Variants in PID1 observed in about 807,000 individuals in gnomAD.
PID1 encodes phosphotyrosine interaction domain containing 1.
A neutral mutation model predicts 19.1 loss-of-function variants in PID1; 10 were observed. The observed-to-expected ratio is 0.52, with a 90% CI of 0.32 to 0.89. The LOEUF is 0.89. Ranked by LOEUF, PID1 falls within the 40% of genes least tolerant of loss-of-function variation. The pLI is 0.03. For missense variants in PID1, 248 were observed against 285.3 expected, an observed-to-expected ratio of 0.87 and a Z score of 0.94; for synonymous variants, 130 against 116.0, an observed-to-expected ratio of 1.12 and a Z score of -0.78.
At chr2:229,139,017 A>G (rs1476038864) in intron 2 of PID1, among the ~76,000 whole-genome samples, 15 of 92,714 alleles carry the variant, frequency 1.6e-4, no homozygotes, top group African/African-American at 6.1e-4. Context: ...GAAAGAAAGA[A>G]AGAAAGAAAG....
chr2:229,188,932 T>C (rs1233922344), intron 1 of PID1, among the ~76,000 whole-genome samples: 2 of 152,166 alleles, frequency 1.3e-5, no homozygotes, highest in East Asian at 3.9e-4. Flanking sequence ...TTTTCTTCTG[T>C]ATTAAATTTT....
At chr2:229,059,087 G>C (rs1269055728) in intron 2 of PID1, among the ~76,000 whole-genome samples, 1 of 152,166 alleles carries the variant, frequency 6.6e-6, no homozygotes. Flanking sequence ...CTAACTTAGA[G>C]ACAGAGTTAT....
At chr2:229,109,638 A>T (rs1194831063) in intron 2 of PID1, among the ~76,000 whole-genome samples, 1 of 152,232 alleles carries the variant, frequency 6.6e-6, no homozygotes, top group Non-Finnish European at 1.5e-5. Context: ...AATGCTCATA[A>T]ACAGGAAACT....
chr2:229,050,429 A>G (rs149135694), intron 2 of PID1, among the ~76,000 whole-genome samples: 1 of 152,336 alleles, frequency 6.6e-6, no homozygotes, highest in East Asian at 1.9e-4. Flanking sequence ...GTGGTGAAAC[A>G]GACGCTACAC....
intron 1 of PID1, among the ~76,000 whole-genome samples, chr2:229,192,807 CTTA>C (rs753561229): frequency 1.3e-4 from 19 of 151,980 alleles, no homozygotes; most frequent in Non-Finnish European, 2.2e-4. Context: ...GAGGTTTATT[CTTA>C]TTATTATTAC....
At chr2:229,057,189 G>A (rs1356879133) in intron 2 of PID1, among the ~76,000 whole-genome samples, 2 of 152,070 alleles carry the variant, frequency 1.3e-5, no homozygotes, top group Non-Finnish European at 2.9e-5. Context: ...TGTAATCCCA[G>A]CACTTTGGGA....
At chr2:229,254,433 A>G (rs1044620747) in intron 1 of PID1, among the ~76,000 whole-genome samples, 7 of 152,240 alleles carry the variant, frequency 4.6e-5, no homozygotes, top group Non-Finnish European at 1.0e-4. Context: ...ACAATGTCCC[A>G]TATAAAGAAC....
At chr2:229,258,839 G>A (rs1574764753) in intron 1 of PID1, among the ~76,000 whole-genome samples, 1 of 147,906 alleles carries the variant, frequency 6.8e-6, no homozygotes, top group East Asian at 2.0e-4. Flanking sequence ...TCCAGCCTGG[G>A]CGACAAAGCG....
intron 1 of PID1, among the ~76,000 whole-genome samples, chr2:229,197,927 AC>A (rs1691411623): frequency 6.6e-6 from 1 of 152,074 alleles, no homozygotes; most frequent in South Asian, 2.1e-4. Context: ...GAAAAACTCA[AC>A]CAATTTAACA....
Position 229,024,429 on chromosome 2 carries a change from A to C in PID1, c.*1203T>G, listed in dbSNP as rs575545807. The C allele has an allele frequency of 6.5e-5, 10 of 152,788 alleles. No individual in the cohort carries two copies. The highest frequency in any genetic ancestry group is 2.4e-4 in the African/African-American group (10 of 41,582). 9.5% of individuals were successfully genotyped at this position (152,788 alleles called of 1,614,324 possible). The stretch of plus-strand genomic sequence containing the variant: ...ATAATATTTAAAGAACCATGAAATT[A>C]AGAAATCTCAGGATTGTTTTAGTGA... On this transcript the variant is annotated 3_prime_UTR_variant, in exon 3 of 3. Coordinates refer to ENST00000392055, the MANE Select transcript of PID1 (RefSeq NM_001100818.2).
At chr2:229,239,926 A>T (rs1440423004) in intron 1 of PID1, among the ~76,000 whole-genome samples, 1 of 152,114 alleles carries the variant, frequency 6.6e-6, no homozygotes, top group Admixed American at 6.5e-5. Flanking sequence ...TATTCCTGGC[A>T]CTATTATACT....
At chr2:229,245,944 T>C (rs577924669) in intron 1 of PID1, among the ~76,000 whole-genome samples, 2 of 152,302 alleles carry the variant, frequency 1.3e-5, no homozygotes, top group East Asian at 3.9e-4. Flanking sequence ...TGTAGTTTCG[T>C]TGGTTGTTGG....
At chr2:229,102,522 A>G (rs1392044570) in intron 2 of PID1, among the ~76,000 whole-genome samples, 1 of 152,184 alleles carries the variant, frequency 6.6e-6, no homozygotes, top group Non-Finnish European at 1.5e-5. Context: ...TCTCCAAACT[A>G]GCTCAGAGCT....
chr2:229,175,024 C>T (rs1690790198), intron 1 of PID1, among the ~76,000 whole-genome samples: 1 of 152,182 alleles, frequency 6.6e-6, no homozygotes, highest in Admixed American at 6.5e-5. Context: ...GGAGAGAAAA[C>T]AGGGCAGCCC....
rs186706313 is a variant in PID1, at chr2:229,064,012, A to C, written c.178-37904T>G. On this transcript the variant is annotated intron_variant, in intron 2 of 2. Coordinates refer to ENST00000392055, the MANE Select transcript of PID1 (RefSeq NM_001100818.2). ...AATCATCCTAGGGGAAAATATTCAAAGCTAAAGTCTAAAGAACTGAAAAGG... is the reference window on the plus strand; with the variant it reads ...AATCATCCTAGGGGAAAATATTCAACGCTAAAGTCTAAAGAACTGAAAAGG... Among the ~76,000 whole-genome samples the C allele has an allele frequency of 2.6e-5, 4 of 152,276 alleles. No individual in the cohort carries two copies. The East Asian group carries it at 7.7e-4, about 29-fold the overall frequency.
In PID1 at chr2:229,153,485, G is replaced by A. The variant is rs1044102170; in HGVS notation, c.177+2333C>T. ...CTTGAATGCAGAAGTTCTTCCTGGT[G>A]TCCAAATGAAATCATTGTCGATTTC... On this transcript the variant is annotated intron_variant, in intron 2 of 2. Coordinates refer to ENST00000392055, the MANE Select transcript of PID1 (RefSeq NM_001100818.2). Among the ~76,000 whole-genome samples the A allele has an allele frequency of 2.6e-5, 4 of 152,146 alleles. No homozygotes were observed. The East Asian group carries it at 7.7e-4, about 29-fold the overall frequency.
At chr2:229,182,238 T>C (rs1158317565) in intron 1 of PID1, among the ~76,000 whole-genome samples, 1 of 151,292 alleles carries the variant, frequency 6.6e-6, no homozygotes, top group African/African-American at 2.4e-5. Flanking sequence ...TGCAGGTTCA[T>C]GAAACATAAC....
chr2:229,053,948 G>T (rs185202718), intron 2 of PID1, among the ~76,000 whole-genome samples: 196 of 152,272 alleles, frequency 1.3e-3, no homozygotes, highest in African/African-American at 4.6e-3. Flanking sequence ...TTTAAGAAAT[G>T]AAAATTTTCC....
chr2:229,138,000 A>T (rs1236281829), intron 2 of PID1, among the ~76,000 whole-genome samples: 1 of 152,194 alleles, frequency 6.6e-6, no homozygotes, highest in Non-Finnish European at 1.5e-5. Context: ...ATTAAAACAA[A>T]GGGGTATAGA....
Sources: allele counts gnomAD v4.1 joint callset (sites outside exome capture counted in the v4.1 genomes callset), GRCh38; gene constraint gnomAD v4.1.1; transcripts MANE v1.5; gene names NCBI Gene and HGNC (gene_info 2026-07-23, HGNC 2026-07-21).